SETX: variants seen among roughly 807,000 people sequenced by gnomAD.
SETX encodes the protein helicase senataxin.
Under a neutral mutation model 227.2 loss-of-function variants are expected in SETX, and 90 were observed. That is an observed-to-expected ratio of 0.40 (90% CI 0.33 to 0.47). The LOEUF is 0.47. Ranked by LOEUF, SETX falls within the 20% of genes least tolerant of loss-of-function variation. SETX has a pLI of 0.91. For missense variants in SETX, 3,052 were observed against 3,181.5 expected (o/e 0.96, Z 0.98); for synonymous variants, 1,210 against 1,113.2 (o/e 1.09, Z -1.73).
chr9:132,305,317 G>A (rs1426378345), intron 11 of SETX, among the ~76,000 whole-genome samples: 2 of 133,310 alleles, frequency 1.5e-5, no homozygotes, highest in African/African-American at 3.0e-5. Flanking sequence ...TTGTGCCACT[G>A]CACTCCCGCC....
intron 18 of SETX, among the ~76,000 whole-genome samples, chr9:132,284,856 A>G (rs1413847400): frequency 6.6e-6 from 1 of 151,950 alleles, no homozygotes; most frequent in East Asian, 1.9e-4. Context: ...TTAATAGTGA[A>G]AACACCCACA....
At chr9:132,322,865 A>T (rs1846451504) in intron 10 of SETX, among the ~76,000 whole-genome samples, 1 of 152,208 alleles carries the variant, frequency 6.6e-6, no homozygotes, top group African/African-American at 2.4e-5. Flanking sequence ...GCTAATAAAA[A>T]ATACCACATC....
intron 10 of SETX, among the ~76,000 whole-genome samples, chr9:132,318,955 G>A (rs895969116): frequency 5.3e-5 from 8 of 152,078 alleles, no homozygotes; most frequent in East Asian, 1.9e-4. Context: ...CTAGGCTGCC[G>A]CACAGTTTCT....
At chr9:132,343,085 C>T (rs1392273621) in intron 4 of SETX, among the ~76,000 whole-genome samples, 1 of 151,846 alleles carries the variant, frequency 6.6e-6, no homozygotes, top group Non-Finnish European at 1.5e-5. Flanking sequence ...TTTGGGAGGC[C>T]GAGGCGGGCG....
Position 132,326,928 on chromosome 9 carries a change from G to C in SETX, c.4670C>G (p.Thr1557Ser), listed in dbSNP as rs1554820196. The C allele has an allele frequency of 6.2e-7, 1 of 1,614,102 alleles. No individual in the cohort carries two copies. The highest frequency in any genetic ancestry group is 8.5e-7 in the Non-Finnish European group (1 of 1,180,014). The change falls in exon 10 of 26, where the codon ACC (threonine) becomes AGC (serine). Residue 1557 changes from threonine to serine, a missense_variant. This residue lies in a region of SETX where 1,483 missense variants were observed against 1,312.0 expected (regional missense o/e 1.13). Coordinates refer to ENST00000224140, the MANE Select transcript of SETX (RefSeq NM_015046.7). ...TKCKYKDCLE[T>S]TKNQGEYCPK... ...GCAGTATTCACCCTGGTTTTTTGTG[G>C]TTTCAAGACAATCTTTGTACTTACA...
upstream of SETX, among the ~76,000 whole-genome samples, chr9:132,356,455 A>T (rs1848917721): frequency 6.7e-6 from 1 of 149,858 alleles, no homozygotes; most frequent in Admixed American, 6.7e-5. Context: ...CCCCGCCTCG[A>T]CCTCCCAAAG....
chr9:132,314,358 G>A (rs1308510292), intron 10 of SETX, among the ~76,000 whole-genome samples: 2 of 152,304 alleles, frequency 1.3e-5, no homozygotes, highest in East Asian at 3.9e-4. Flanking sequence ...CAAAGTGCTG[G>A]GATTACAGGC....
chr9:132,320,519 G>A (rs1037333902), intron 10 of SETX, among the ~76,000 whole-genome samples: 62 of 144,312 alleles, frequency 4.3e-4, no homozygotes, highest in Non-Finnish European at 2.9e-4. Flanking sequence ...GTGTGAACCC[G>A]GGAGGCAGAG....
At chr9:132,278,834 C>T (rs996456479) in intron 20 of SETX, among the ~76,000 whole-genome samples, 4 of 152,180 alleles carry the variant, frequency 2.6e-5, no homozygotes, top group African/African-American at 9.7e-5. Context: ...CCACTGTAAA[C>T]AAGCCTTTTG....
chr9:132,266,573 A>G (rs1842662109), intron 25 of SETX, among the ~76,000 whole-genome samples: 1 of 152,186 alleles, frequency 6.6e-6, no homozygotes, highest in African/African-American at 2.4e-5. Context: ...GAGGTTCAAG[A>G]CGAGCCTGGG....
At position 132,334,713 on chromosome 9, in the gene SETX, G is replaced by A. The variant is rs776541586; in HGVS notation, c.733C>T (p.Leu245=). Residue 245 remains leucine, a synonymous_variant, in exon 7 of 26, where the codon CTG becomes TTG. Transcript: ENST00000224140. ...ATGGCTTGTTCCTCAAGAATGGTCA[G>A]CAACATGCAAATACCTGTAAGATCA... ...KSYWLGICML[L]TILEEQAMDS... is the part of the protein sequence containing the mutation. 1.2e-6 allele frequency: 2 copies of A among 1,614,060 alleles called. No individual in the cohort carries two copies. The highest frequency in any genetic ancestry group is 1.1e-5 in the South Asian group (1 of 91,086).
chr9:132,309,904 C>T (rs562227962), intron 11 of SETX, among the ~76,000 whole-genome samples: 14 of 152,174 alleles, frequency 9.2e-5, no homozygotes, highest in African/African-American at 3.1e-4. Context: ...ATTTAAGAAA[C>T]GGGACACAGA....
intron 10 of SETX, 24 bp downstream of exon 10, chr9:132,326,300 C>A (rs1409060355): frequency 1.3e-6 from 2 of 1,511,672 alleles, no homozygotes; most frequent in Non-Finnish European, 1.8e-6. Context: ...TTTGGAGAGG[C>A]ATACAAATGA....
At chr9:132,319,595 G>A (rs1395420661) in intron 10 of SETX, among the ~76,000 whole-genome samples, 1 of 152,092 alleles carries the variant, frequency 6.6e-6, no homozygotes, top group Non-Finnish European at 1.5e-5. Context: ...TTACATTCTT[G>A]ACATTCCACC....
intron 10 of SETX, among the ~76,000 whole-genome samples, chr9:132,313,098 T>C (rs1212284941): frequency 1.3e-5 from 2 of 152,202 alleles, no homozygotes; most frequent in Admixed American, 6.5e-5. Context: ...GAAGAATGAC[T>C]ACCAATGGGC....
chr9:132,299,120 A>G (rs535372515), intron 12 of SETX, among the ~76,000 whole-genome samples: 3 of 152,344 alleles, frequency 2.0e-5, no homozygotes, highest in South Asian at 2.1e-4. Context: ...AAAATCAATC[A>G]TATCTGCTGA....
Position 132,298,326 on chromosome 9 carries a change from A to G in SETX, c.5549-14T>C. On this transcript the variant is annotated splice_polypyrimidine_tract_variant and intron_variant, in intron 12 of 25. Coordinates refer to ENST00000224140, the MANE Select transcript of SETX (RefSeq NM_015046.7). ...TCCCATTACGCACTATCATCAAGAA[A>G]GAGAAAAAGCAACTTCAGTTATCAC... 1 of 1,606,324 alleles carries G rather than the reference A, an allele frequency of 6.2e-7. No homozygotes were observed. The highest frequency in any genetic ancestry group is 1.1e-5 in the South Asian group (1 of 90,812).
chr9:132,300,769 A>C lies in SETX; in HGVS notation c.5409T>G (p.Leu1803=). 6.2e-7 allele frequency: 1 copy of C among 1,613,490 alleles called. No homozygotes were observed. The highest frequency in any genetic ancestry group is 8.5e-7 in the Non-Finnish European group (1 of 1,179,888). Residue 1803 remains leucine, a synonymous_variant, in exon 12 of 26, where the codon CTT becomes CTG. Coordinates refer to ENST00000224140, the MANE Select transcript of SETX (RefSeq NM_015046.7). ...ACACCAAATCGTTTTCCTTTGGATA[A>C]AGCTGTTTAGCCAGTTCACATTCTT... ...YLEECELAKQ[L]YPKENDLVFL...
At chr9:132,322,057 A>G (rs1437439388) in intron 10 of SETX, among the ~76,000 whole-genome samples, 1 of 152,158 alleles carries the variant, frequency 6.6e-6, no homozygotes, top group African/African-American at 2.4e-5. Flanking sequence ...GCTGGGTTTT[A>G]CCCTGCTATG....
Sources: gnomAD v4.1 joint callset for allele counts (sites outside exome capture counted in the v4.1 genomes callset) on GRCh38, gnomAD v4.1.1 for gene constraint, gnomAD v4.1.1 regional missense constraint, MANE v1.5 for transcripts, NCBI Gene and HGNC (gene_info 2026-07-23, HGNC 2026-07-21) for gene names.